The following GLMN variants were observed in gnomAD, a reference collection of about 807,000 sequenced individuals.
GLMN encodes the protein glomulin, FKBP associated protein.
GLMN carries 75 observed loss-of-function variants against 87.8 expected under a neutral mutation model. The ratio of observed to expected loss-of-function variants is 0.85; its 90% CI spans 0.71 to 1.04. The LOEUF (loss-of-function observed/expected upper bound fraction) is 1.04. Ranked by LOEUF, GLMN falls within the 50% of genes least tolerant of loss-of-function variation. The probability of loss-of-function intolerance (pLI) is 0.00; values close to 1 mark genes in which losing one functional copy is unlikely to be tolerated. For missense variants in GLMN, 588 were observed against 658.8 expected, an observed-to-expected ratio of 0.89 and a Z score of 1.18; for synonymous variants, 206 against 221.6, an observed-to-expected ratio of 0.93 and a Z score of 0.63.
chr1:92,271,782 G>C (rs1252499358), intron 7 of GLMN, 130 bp from the exon 8 acceptor site: 3 of 684,468 alleles, frequency 4.4e-6, no homozygotes, highest in African/African-American at 1.8e-5. Context: ...TGGGACCTAT[G>C]AGACTTGCTT....
At chr1:92,361,142 A>AAC in the GLMN span, among the ~76,000 whole-genome samples, 1,648 of 149,288 alleles carry the variant, frequency 0.011, 35 homozygotes, top group African/African-American at 0.038. Flanking sequence ...CACACACATA[A>AAC]ACACACACAC....
intron 6 of GLMN, 107 bp downstream of exon 6, chr1:92,288,806 TC>T (rs1649072447): frequency 2.7e-6 from 2 of 728,596 alleles, no homozygotes; most frequent in Non-Finnish European, 5.0e-6. Context: ...AAATTCAAAA[TC>T]TGAAACTAGA....
At chr1:92,325,910 A>G in the GLMN span, among the ~76,000 whole-genome samples, 2 of 152,106 alleles carry the variant, frequency 1.3e-5, no homozygotes, top group Non-Finnish European at 2.9e-5. Context: ...GTATTCCATT[A>G]TATAAATATA....
At chr1:92,310,787 C>A in the GLMN span, among the ~76,000 whole-genome samples, 1 of 151,984 alleles carries the variant, frequency 6.6e-6, no homozygotes. Flanking sequence ...GCCCCAGCTA[C>A]TTGGGAGGCT....
At chr1:92,342,540 A>C in the GLMN span, among the ~76,000 whole-genome samples, 4 of 152,208 alleles carry the variant, frequency 2.6e-5, no homozygotes, top group African/African-American at 9.6e-5. Flanking sequence ...ACATGATCTA[A>C]CATACATTTT....
chr1:92,291,402 T>C lies in GLMN; in HGVS notation c.285+16A>G, dbSNP rs1424997936. 1.3e-6 allele frequency: 2 copies of C among 1,537,878 alleles called. No homozygotes were observed. Among genetic ancestry groups the C allele is most frequent in the South Asian group, 1.1e-5 (1 of 89,352 alleles). On this transcript the variant is annotated intron_variant, in intron 4 of 18. Coordinates refer to ENST00000370360, the MANE Select transcript of GLMN (RefSeq NM_053274.3). ...CTGTGTGTTATGATAAAGAGAACCT[T>C]GTTTTGTTAACTTACCTTTACCAAT... is the stretch of plus-strand genomic sequence containing the variant.
Position 92,290,708 on chromosome 1 carries a change from T to A in GLMN, c.286-402A>T, listed in dbSNP as rs575063654. 3.3e-5 allele frequency among the ~76,000 whole-genome samples: 5 copies of A among 152,350 alleles called. No individual in the cohort carries two copies. In the East Asian group the frequency reaches 9.6e-4, roughly 29 times the overall value. On this transcript the variant is annotated intron_variant, in intron 4 of 18. Coordinates refer to ENST00000370360, the MANE Select transcript of GLMN (RefSeq NM_053274.3). Reference sequence around the variant, plus strand: ...CTTTGCATTGCTTTCTGACTGGCCATATCTTATCATCTCACTTGACTGGTT... The same window carrying A: ...CTTTGCATTGCTTTCTGACTGGCCAAATCTTATCATCTCACTTGACTGGTT...
chr1:92,312,701 C>T, the GLMN span, among the ~76,000 whole-genome samples: 3 of 152,224 alleles, frequency 2.0e-5, no homozygotes, highest in Non-Finnish European at 4.4e-5. Flanking sequence ...GTGACTACCT[C>T]TACGGAAGTC....
At chr1:92,306,577 A>G in the GLMN span, among the ~76,000 whole-genome samples, 1 of 152,178 alleles carries the variant, frequency 6.6e-6, no homozygotes, top group Admixed American at 6.5e-5. Flanking sequence ...AAACAAAAGA[A>G]GTGGCTAGGT....
At chr1:92,258,056 C>A (rs1447388202) in intron 16 of GLMN, among the ~76,000 whole-genome samples, 1 of 151,532 alleles carries the variant, frequency 6.6e-6, no homozygotes, top group Admixed American at 6.6e-5. Context: ...GGAACTTAAA[C>A]AAATTTATAA....
the GLMN span, among the ~76,000 whole-genome samples, chr1:92,322,582 A>T: frequency 6.6e-6 from 1 of 151,476 alleles, no homozygotes; most frequent in Non-Finnish European, 1.5e-5. Flanking sequence ...AAAATAAAAA[A>T]TAAAAAGCTC....
At chr1:92,307,221 A>C in the GLMN span, 1 of 1,612,178 alleles carries the variant, frequency 6.2e-7, no homozygotes, top group Non-Finnish European at 8.5e-7. Context: ...TCAAGCATCT[A>C]AGTTTTTTGA....
chr1:92,286,716 T>C, intron 6 of GLMN, 124 bp from the exon 7 acceptor site: 2 of 684,184 alleles, frequency 2.9e-6, no homozygotes, highest in South Asian at 1.5e-5. Context: ...TGAATGACTC[T>C]GCTCTCCAAA....
the GLMN span, among the ~76,000 whole-genome samples, chr1:92,327,790 T>C: frequency 6.6e-6 from 1 of 152,180 alleles, no homozygotes; most frequent in Non-Finnish European, 1.5e-5. Context: ...ATTTTGGTAT[T>C]ATTTCCAGGA....
the GLMN span, among the ~76,000 whole-genome samples, chr1:92,366,556 A>C: frequency 6.6e-6 from 1 of 152,180 alleles, no homozygotes; most frequent in Non-Finnish European, 1.5e-5. Context: ...GCCAGGGGCC[A>C]CATGTGAGAC....
intron 16 of GLMN, among the ~76,000 whole-genome samples, chr1:92,248,926 C>T (rs1335753915): frequency 6.6e-6 from 1 of 152,086 alleles, no homozygotes; most frequent in Non-Finnish European, 1.5e-5. Flanking sequence ...CATACCTTTT[C>T]ACTTAGCATC....
intron 16 of GLMN, among the ~76,000 whole-genome samples, chr1:92,261,822 C>CGGAGTGATAGAGGGT (rs1553136966): frequency 4.0e-5 from 6 of 150,456 alleles, no homozygotes; most frequent in East Asian, 2.0e-4. Context: ...AATAGACTGA[C>CGGAGTGATAGAGGGT]GGAGTGATAG....
the GLMN span, among the ~76,000 whole-genome samples, chr1:92,346,631 G>C: frequency 1.3e-5 from 2 of 151,974 alleles, no homozygotes; most frequent in Non-Finnish European, 2.9e-5. Context: ...TACTTTATTA[G>C]CACCAAAAAA....
intron 16 of GLMN, among the ~76,000 whole-genome samples, chr1:92,258,248 A>G (rs1406438042): frequency 8.8e-6 from 1 of 113,974 alleles, no homozygotes; most frequent in African/African-American, 3.1e-5. Flanking sequence ...AAAAGTCAGG[A>G]AACAACAGAT....
Sources: gnomAD v4.1 joint callset for allele counts (sites outside exome capture counted in the v4.1 genomes callset) on GRCh38, gnomAD v4.1.1 for gene constraint, MANE v1.5 for transcripts, NCBI Gene and HGNC (gene_info 2026-07-23, HGNC 2026-07-21) for gene names.